The following RDH13 variants were observed in gnomAD, a reference collection of about 807,000 sequenced individuals.
RDH13 encodes the protein retinol dehydrogenase 13 (all-trans and 9-cis).
RDH13 carries 35 observed loss-of-function variants against 28.3 expected under a neutral mutation model. That is an observed-to-expected ratio of 1.24 (90% confidence interval 0.95 to 1.64). The LOEUF (loss-of-function observed/expected upper bound fraction) is 1.64, where lower values mean the gene tolerates loss of function less well. RDH13 is among the 40% of genes most tolerant of loss of function. RDH13 has a pLI of 0.00. For missense variants in RDH13, 514 were observed against 446.3 expected, an observed-to-expected ratio of 1.15 and a Z score of -1.37; for synonymous variants, 229 against 198.5, an observed-to-expected ratio of 1.15 and a Z score of -1.29.
chr19:55,053,452 G>A (rs2075524063), intron 3 of RDH13, among the ~76,000 whole-genome samples: 3 of 151,950 alleles, frequency 2.0e-5, no homozygotes, highest in Admixed American at 2.0e-4. Flanking sequence ...TCAGGAGATC[G>A]AGACCATCCT....
chr19:55,052,945 A>AGCCACCGC lies in RDH13; in HGVS notation c.340+3707_340+3708insGCGGTGGC, dbSNP rs143100180. Among the ~76,000 whole-genome samples the AGCCACCGC allele has an allele frequency of 6.0e-5, 9 of 151,232 alleles. No homozygotes were observed. In the East Asian group the frequency reaches 1.2e-3, roughly 20 times the overall value. ...CCAAAGTGCTGGGATTACAGGCGTG[A>AGCCACCGC]GCCTGCACGCCTGCCTGATTGTTTT... On this transcript the variant is annotated intron_variant, in intron 3 of 6. Coordinates refer to ENST00000415061, the MANE Select transcript of RDH13 (RefSeq NM_001145971.2).
intron 5 of RDH13, 136 bp downstream of exon 5, chr19:55,048,193 G>C: frequency 6.5e-7 from 1 of 1,538,768 alleles, no homozygotes; most frequent in African/African-American, 1.4e-5. Context: ...GAAGCGGGCA[G>C]CGTGGTCCAC....
chr19:55,056,300 C>T (rs1025575447), intron 3 of RDH13, among the ~76,000 whole-genome samples: 11 of 152,008 alleles, frequency 7.2e-5, no homozygotes, highest in Non-Finnish European at 1.6e-4. Flanking sequence ...CCCGTCTCTA[C>T]TAAAAATACA....
chr19:55,041,578 A>G (rs2075031282), downstream of RDH13: 1 of 152,272 alleles, frequency 6.6e-6, no homozygotes, highest in South Asian at 2.1e-4. Flanking sequence ...TGGAGGCTCC[A>G]AGCCAGGGTT....
chr19:55,047,138 A>G (rs2075261755), intron 6 of RDH13: 2 of 1,399,620 alleles, frequency 1.4e-6, no homozygotes, highest in Non-Finnish European at 1.9e-6. Flanking sequence ...CGTCAGCTCC[A>G]CGGCCTCTTC....
intron 3 of RDH13, 47 bp from the exon 4 acceptor site, chr19:55,048,810 C>T: frequency 2.0e-6 from 3 of 1,490,600 alleles, no homozygotes; most frequent in South Asian, 2.3e-5. Flanking sequence ...AGGACAGACC[C>T]CAGCCTGATG....
chr19:55,053,370 G>T (rs2075520651), intron 3 of RDH13, among the ~76,000 whole-genome samples: 1 of 152,096 alleles, frequency 6.6e-6, no homozygotes, highest in Admixed American at 6.6e-5. Context: ...TAATCCTCTA[G>T]AGAGGCTGGG....
upstream of RDH13, chr19:55,063,425 CTGTG>C: frequency 4.2e-6 from 1 of 238,896 alleles, no homozygotes; most frequent in Non-Finnish European, 8.1e-6. Flanking sequence ...CTGTGACCCT[CTGTG>C]TGTCTTTCAA....
chr19:55,050,191 A>G (rs1347428086), intron 3 of RDH13, among the ~76,000 whole-genome samples: 1 of 150,442 alleles, frequency 6.6e-6, no homozygotes, highest in African/African-American at 2.5e-5. Context: ...ATCTTGGCTC[A>G]CTGCAACCTC....
upstream of RDH13, among the ~76,000 whole-genome samples, chr19:55,064,738 G>A (rs995177923): frequency 1.9e-4 from 28 of 149,446 alleles, no homozygotes; most frequent in East Asian, 4.1e-4. Flanking sequence ...TCAGCCTCCC[G>A]AGTAGCTGGG....
intron 1 of RDH13, among the ~76,000 whole-genome samples, chr19:55,062,039 C>T (rs1491000835): frequency 2.0e-5 from 3 of 152,098 alleles, no homozygotes; most frequent in Non-Finnish European, 2.9e-5. Context: ...ATCGCTTGAA[C>T]CCGGGAGGTG....
chr19:55,044,935 C>T lies in RDH13; in HGVS notation c.*139G>A. On this transcript the variant is annotated 3_prime_UTR_variant, in exon 7 of 7. Transcript: ENST00000415061. ...GGCCAGTCCACTGCGGCCAGCACCG[C>T]CCCCTAGAACCTACTGCGGGCATGG... 4.7e-6 allele frequency: 3 copies of T among 644,634 alleles called. No individual in the cohort carries two copies. The highest frequency in any genetic ancestry group is 5.3e-6 in the Non-Finnish European group (2 of 377,144). The allele number at this position is 644,634 out of a possible 1,614,324, so 39.9% of individuals were successfully genotyped here.
At chr19:55,049,094 T>C (rs2075342204) in intron 3 of RDH13, among the ~76,000 whole-genome samples, 1 of 152,062 alleles carries the variant, frequency 6.6e-6, no homozygotes, top group African/African-American at 2.4e-5. Context: ...ATGGCCCGTC[T>C]CACAGGTCAC....
chr19:55,045,357 G>A (rs1277437171), intron 6 of RDH13, 48 bp from the exon 7 acceptor site: 3 of 1,475,228 alleles, frequency 2.0e-6, no homozygotes, highest in African/African-American at 1.4e-5. Flanking sequence ...TCAGAGAGAA[G>A]GAAGGAAGCC....
At chr19:55,041,720 G>A (rs997132291), downstream of RDH13, 4 of 152,188 alleles carry the variant, frequency 2.6e-5, no homozygotes, top group African/African-American at 7.2e-5. Context: ...ACGACTCCGC[G>A]GCAGGCAGCC....
Position 55,045,254 on chromosome 19 carries a change from T to A in RDH13, c.816A>T (p.Thr272=), listed in dbSNP as rs776298884. 5 of 1,613,180 alleles carry A rather than the reference T, an allele frequency of 3.1e-6. No individual in the cohort carries two copies. The highest frequency in any genetic ancestry group is 1.7e-5 in the Admixed American group (1 of 60,000). ...CCAGTTCCTCCGCCACGGCCAGGTA[T>A]GTGCTGGGCTGGGCGGCCAGCTCGG... ...KSPELAAQPS[T]YLAVAEELAD... Residue 272 remains threonine (T), a synonymous_variant, in exon 7 of 7, where the codon ACA becomes ACT. Coordinates refer to ENST00000415061, the MANE Select transcript of RDH13 (RefSeq NM_001145971.2).
intron 3 of RDH13, among the ~76,000 whole-genome samples, chr19:55,055,840 T>C (rs566239409): frequency 3.4e-5 from 5 of 148,170 alleles, no homozygotes; most frequent in Non-Finnish European, 7.4e-5. Context: ...GTGACAGAGA[T>C]GGATCCTGTC....
chr19:55,039,521 C>G (rs2074961387), downstream of RDH13: 1 of 152,162 alleles, frequency 6.6e-6, no homozygotes, highest in Non-Finnish European at 1.5e-5. Flanking sequence ...GCACTCCAGC[C>G]TGGGCGGCAG....
At chr19:55,050,203 G>A (rs550672253) in intron 3 of RDH13, among the ~76,000 whole-genome samples, 90 of 150,884 alleles carry the variant, frequency 6.0e-4, no homozygotes, top group Non-Finnish European at 1.2e-4. Context: ...TGCAACCTCT[G>A]CCTCCCAGGT....
Sources: gnomAD v4.1 joint callset for allele counts (sites outside exome capture counted in the v4.1 genomes callset) on GRCh38, gnomAD v4.1.1 for gene constraint, MANE v1.5 for transcripts, NCBI Gene and HGNC (gene_info 2026-07-23, HGNC 2026-07-21) for gene names.